The following ENOX1 variants were observed in gnomAD, a reference collection of about 807,000 sequenced individuals.
The protein encoded by ENOX1 is candidate growth-related and time keeping constitutive hydroquinone (NADH) oxidase.
Under a neutral mutation model 82.5 loss-of-function variants are expected in ENOX1, and 42 were observed. The observed-to-expected ratio is 0.51, with a 90% CI of 0.40 to 0.66. The LOEUF is 0.66. ENOX1 is among the 30% of genes least tolerant of loss of function. The probability of loss-of-function intolerance (pLI) is 0.00; values close to 1 mark genes in which losing one functional copy is unlikely to be tolerated. For missense variants in ENOX1, 608 were observed against 811.6 expected (o/e 0.75, Z 3.05); for synonymous variants, 271 against 282.2 (o/e 0.96, Z 0.40).
At chr13:43,638,296 A>G (rs554009844) in intron 2 of ENOX1, among the ~76,000 whole-genome samples, 122 of 152,354 alleles carry the variant, frequency 8.0e-4, no homozygotes, top group African/African-American at 2.9e-3. Flanking sequence ...CATAATTTCC[A>G]TATTTATTGA....
chr13:43,530,208 C>T (rs1407646209), intron 2 of ENOX1, among the ~76,000 whole-genome samples: 1 of 152,080 alleles, frequency 6.6e-6, no homozygotes, highest in Non-Finnish European at 1.5e-5. Context: ...GCAAGTTTGA[C>T]ATTGATATTG....
chr13:43,312,405 C>T (rs1395891895), intron 11 of ENOX1, among the ~76,000 whole-genome samples: 1 of 152,186 alleles, frequency 6.6e-6, no homozygotes, highest in Non-Finnish European at 1.5e-5. Flanking sequence ...CAGGTAGGCT[C>T]TCCCAGACCC....
chr13:43,759,524 G>C (rs1019646114), intron 1 of ENOX1, among the ~76,000 whole-genome samples: 4 of 152,162 alleles, frequency 2.6e-5, no homozygotes, highest in Non-Finnish European at 5.9e-5. Context: ...TACTGAAACA[G>C]TCTCCACAAT....
chr13:43,450,979 A>G (rs2056936186), intron 3 of ENOX1, among the ~76,000 whole-genome samples: 1 of 152,212 alleles, frequency 6.6e-6, no homozygotes, highest in East Asian at 1.9e-4. Flanking sequence ...TTCACTGTCC[A>G]CAGGGATCAC....
chr13:43,257,705 T>G (rs185140427), intron 14 of ENOX1, among the ~76,000 whole-genome samples: 1 of 152,248 alleles, frequency 6.6e-6, no homozygotes, highest in African/African-American at 2.4e-5. Context: ...CATATTTATA[T>G]GTATGTATAT....
chr13:43,318,881 T>G (rs1426038737), intron 11 of ENOX1, among the ~76,000 whole-genome samples: 1 of 152,244 alleles, frequency 6.6e-6, no homozygotes, highest in Non-Finnish European at 1.5e-5. Context: ...TTTTGCCATC[T>G]GAGGCCTTAC....
At chr13:43,737,881 G>A (rs1386458817) in intron 1 of ENOX1, among the ~76,000 whole-genome samples, 2 of 152,164 alleles carry the variant, frequency 1.3e-5, no homozygotes, top group African/African-American at 4.8e-5. Flanking sequence ...CTAATGTGGT[G>A]TCTAATTCTT....
intron 12 of ENOX1, among the ~76,000 whole-genome samples, chr13:43,292,436 G>C (rs572854711): frequency 1.4e-4 from 22 of 152,182 alleles, no homozygotes; most frequent in Middle Eastern, 6.8e-3. Context: ...ATTAAAAACA[G>C]AAGACAAAAG....
At chr13:43,399,259 C>G (rs1374202669) in intron 5 of ENOX1, among the ~76,000 whole-genome samples, 2 of 152,086 alleles carry the variant, frequency 1.3e-5, no homozygotes, top group Non-Finnish European at 2.9e-5. Context: ...GGAGTCAAAA[C>G]TTATATGTAA....
At chr13:43,769,238 T>G (rs1951455286) in intron 1 of ENOX1, among the ~76,000 whole-genome samples, 2 of 152,140 alleles carry the variant, frequency 1.3e-5, no homozygotes, top group East Asian at 1.9e-4. Context: ...ACACTGAATC[T>G]TCTGCTAGGT....
At chr13:43,608,218 T>C (rs1341573956) in intron 2 of ENOX1, among the ~76,000 whole-genome samples, 4 of 152,188 alleles carry the variant, frequency 2.6e-5, no homozygotes, top group African/African-American at 4.8e-5. Context: ...CAAAGTGTCA[T>C]TTCTGGTTGA....
At position 43,285,847 on chromosome 13, in the gene ENOX1, T is replaced by G. The variant is rs7338766; in HGVS notation, c.1446+12499A>C. Among the ~76,000 whole-genome samples, 3 of 136,572 alleles carry G rather than the reference T, an allele frequency of 2.2e-5. No homozygotes were observed. In the Admixed American group the frequency reaches 2.5e-4, roughly 11 times the overall value. 89.6% of individuals were successfully genotyped at this position (136,572 alleles called of 152,430 possible). ...AAAAAAAAAAAGAGGAATTCCCCCC[T>G]CTTCTTCTTTCTTCTTTGTTCCAAT... On this transcript the variant is annotated intron_variant, in intron 12 of 16. Coordinates refer to ENST00000690772, the MANE Select transcript of ENOX1 (RefSeq NM_001347969.2).
intron 14 of ENOX1, among the ~76,000 whole-genome samples, chr13:43,254,330 G>A (rs1381081571): frequency 2.0e-5 from 3 of 152,074 alleles, no homozygotes; most frequent in Non-Finnish European, 4.4e-5. Flanking sequence ...TATAAAATTT[G>A]CCTTTCTCTT....
At chr13:43,331,481 C>T (rs1436165550) in intron 9 of ENOX1, among the ~76,000 whole-genome samples, 1 of 152,168 alleles carries the variant, frequency 6.6e-6, no homozygotes, top group African/African-American at 2.4e-5. Flanking sequence ...CTCAACTCTG[C>T]AGGGTACACA....
intron 11 of ENOX1, among the ~76,000 whole-genome samples, chr13:43,316,629 C>CA (rs3043979): frequency 2.1e-4 from 31 of 149,824 alleles, no homozygotes; most frequent in African/African-American, 7.4e-4. Context: ...AAGCAATTTA[C>CA]AAAAAAAAAA....
Position 43,355,522 on chromosome 13 carries a change from C to T in ENOX1, c.823+397G>A, listed in dbSNP as rs147505271. Reference sequence around the variant, plus strand: ...TATAGAGCTGGAGGAACACTAAGAACGCCCCACCAATGGCACAAATAGTTG... The same window carrying T: ...TATAGAGCTGGAGGAACACTAAGAATGCCCCACCAATGGCACAAATAGTTG... On this transcript the variant is annotated intron_variant, in intron 8 of 16. Coordinates refer to ENST00000690772, the MANE Select transcript of ENOX1 (RefSeq NM_001347969.2). Among the ~76,000 whole-genome samples the T allele has an allele frequency of 2.2e-3, 335 of 152,304 alleles. 2 individuals are homozygous for T. The highest frequency in any genetic ancestry group is 1.0e-3 in the Non-Finnish European group (71 of 68,028).
At chr13:43,621,359 T>C (rs2082721361) in intron 2 of ENOX1, among the ~76,000 whole-genome samples, 1 of 152,214 alleles carries the variant, frequency 6.6e-6, no homozygotes, top group Non-Finnish European at 1.5e-5. Flanking sequence ...GTGTGATTTA[T>C]GCTTTAAAGA....
At chr13:43,532,099 T>G (rs969477633) in intron 2 of ENOX1, among the ~76,000 whole-genome samples, 6 of 151,942 alleles carry the variant, frequency 3.9e-5, no homozygotes, top group African/African-American at 1.5e-4. Flanking sequence ...AAAAAGAAAG[T>G]TAAAAAAGTT....
chr13:43,547,621 T>C (rs2079027725), intron 2 of ENOX1: 1 of 152,248 alleles, frequency 6.6e-6, no homozygotes, highest in South Asian at 2.1e-4. Flanking sequence ...TCTAAAGGAA[T>C]ACTTTCATTT....
Sources: gnomAD v4.1 joint callset for allele counts (sites outside exome capture counted in the v4.1 genomes callset) on GRCh38, gnomAD v4.1.1 for gene constraint, MANE v1.5 for transcripts, NCBI Gene and HGNC (gene_info 2026-07-23, HGNC 2026-07-21) for gene names.